The following MAMDC2 variants were observed in gnomAD, a reference collection of about 807,000 sequenced individuals.
MAMDC2 encodes MAM domain-containing protein 2.
MAMDC2 carries 57 observed loss-of-function variants against 89.8 expected under a neutral mutation model. The ratio of observed to expected loss-of-function variants is 0.63; its 90% CI spans 0.51 to 0.79. The LOEUF is 0.79. Among genes scored for constraint, MAMDC2 ranks in the 30% least tolerant of loss-of-function variants. MAMDC2 has a pLI of 0.00. For missense variants in MAMDC2, 800 were observed against 820.6 expected (o/e 0.97, Z 0.31); for synonymous variants, 313 against 293.4 (o/e 1.07, Z -0.68).
chr9:70,076,165 G>A (rs1827526648), intron 2 of MAMDC2, among the ~76,000 whole-genome samples: 1 of 152,202 alleles, frequency 6.6e-6, no homozygotes, highest in African/African-American at 2.4e-5. Flanking sequence ...GCTCACGCCT[G>A]TAATCCCAGC....
intron 2 of MAMDC2, among the ~76,000 whole-genome samples, chr9:70,105,628 A>G (rs1370071155): frequency 6.6e-6 from 1 of 152,228 alleles, no homozygotes; most frequent in African/African-American, 2.4e-5. Context: ...TATGGCTAAG[A>G]TGTCAAAATC....
chr9:70,063,302 A>G (rs111611311), intron 2 of MAMDC2: 1,907 of 152,300 alleles, frequency 0.013, 37 homozygotes, highest in African/African-American at 0.043. Context: ...GCCAAGTGGT[A>G]TAAGGTTCGT....
At chr9:70,107,003 C>G (rs925767401) in intron 2 of MAMDC2, among the ~76,000 whole-genome samples, 1 of 152,116 alleles carries the variant, frequency 6.6e-6, no homozygotes, top group South Asian at 2.1e-4. Context: ...TTTTCAGATC[C>G]TTTCTCGTAA....
chr9:70,104,874 G>A (rs1455291965), intron 2 of MAMDC2, among the ~76,000 whole-genome samples: 10 of 152,134 alleles, frequency 6.6e-5, no homozygotes, highest in Admixed American at 5.9e-4. Context: ...TGGTGATGGT[G>A]CACAAATTTA....
intron 6 of MAMDC2, among the ~76,000 whole-genome samples, chr9:70,130,710 T>C (rs539179097): frequency 9.4e-4 from 142 of 151,796 alleles, no homozygotes; most frequent in African/African-American, 3.3e-3. Flanking sequence ...TGATGTAGAG[T>C]TCATATAGGA....
At chr9:70,210,391 C>T (rs1564001021) in intron 11 of MAMDC2, among the ~76,000 whole-genome samples, 9 of 152,114 alleles carry the variant, frequency 5.9e-5, no homozygotes, top group African/African-American at 2.4e-5. Context: ...ATGTAATGGC[C>T]TTCTTTGTCT....
intron 9 of MAMDC2, among the ~76,000 whole-genome samples, chr9:70,144,964 G>T (rs1037945994): frequency 6.6e-6 from 1 of 152,110 alleles, no homozygotes; most frequent in African/African-American, 2.4e-5. Flanking sequence ...CTTTACCATG[G>T]TTAATCAAAG....
At chr9:70,188,751 C>G (rs540696686) in intron 11 of MAMDC2, 31 of 107,930 alleles carry the variant, frequency 2.9e-4, no homozygotes, top group African/African-American at 9.8e-4. Context: ...GAGAGGTGAT[C>G]AAAACAATTG....
At chr9:70,196,855 C>G (rs1012785478) in intron 11 of MAMDC2, among the ~76,000 whole-genome samples, 1 of 152,030 alleles carries the variant, frequency 6.6e-6, no homozygotes, top group African/African-American at 2.4e-5. Context: ...CTCTTAAAAA[C>G]AAAAATTAAC....
intron 2 of MAMDC2, among the ~76,000 whole-genome samples, chr9:70,047,572 TG>T (rs1395418927): frequency 4.6e-5 from 7 of 152,332 alleles, no homozygotes; most frequent in East Asian, 3.9e-4. Flanking sequence ...ATGCTGTATA[TG>T]TGCTACATTT....
At chr9:70,047,776 G>A (rs1826792650) in intron 2 of MAMDC2, among the ~76,000 whole-genome samples, 1 of 152,174 alleles carries the variant, frequency 6.6e-6, no homozygotes, top group Non-Finnish European at 1.5e-5. Context: ...CTGCGAACTG[G>A]GGTTTCATCA....
intron 11 of MAMDC2, among the ~76,000 whole-genome samples, chr9:70,177,619 T>G (rs1440948088): frequency 6.6e-6 from 1 of 152,132 alleles, no homozygotes; most frequent in Admixed American, 6.5e-5. Context: ...AAGTGAAAGT[T>G]CCCACGTTTT....
At chr9:70,101,059 C>T (rs1828176851) in intron 2 of MAMDC2, among the ~76,000 whole-genome samples, 1 of 152,082 alleles carries the variant, frequency 6.6e-6, no homozygotes, top group South Asian at 2.1e-4. Context: ...CTGAAAATTC[C>T]CTATAGCCTA....
intron 11 of MAMDC2, among the ~76,000 whole-genome samples, chr9:70,190,749 CAATT>C (rs1438469066): frequency 6.6e-6 from 1 of 152,054 alleles, no homozygotes; most frequent in African/African-American, 2.4e-5. Flanking sequence ...CAATGTTAAA[CAATT>C]AAACAATTAA....
At chr9:70,141,484 C>CTATATATATAT (rs2031219873) in intron 8 of MAMDC2, among the ~76,000 whole-genome samples, 1 of 152,174 alleles carries the variant, frequency 6.6e-6, no homozygotes, top group Admixed American at 6.5e-5. Flanking sequence ...AATATATACG[C>CTATATATATAT]AAACAAACTT....
intron 12 of MAMDC2, among the ~76,000 whole-genome samples, chr9:70,219,598 TG>T (rs1483664932): frequency 6.6e-6 from 1 of 152,216 alleles, no homozygotes; most frequent in East Asian, 1.9e-4. Flanking sequence ...GAAGCTCAGA[TG>T]GCCAAGTTGC....
chr9:70,116,481 T>A (rs2029998677), intron 5 of MAMDC2, among the ~76,000 whole-genome samples: 1 of 116,006 alleles, frequency 8.6e-6, no homozygotes, highest in Non-Finnish European at 1.9e-5. Flanking sequence ...TTACCTTGAC[T>A]AAACCCTTAA....
intron 7 of MAMDC2, among the ~76,000 whole-genome samples, chr9:70,138,414 T>C (rs1005989008): frequency 2.0e-5 from 3 of 152,222 alleles, no homozygotes; most frequent in Admixed American, 6.5e-5. Flanking sequence ...TGCCTTTGAC[T>C]AGATACCCAG....
chr9:70,129,437 C>A (rs113800735), intron 6 of MAMDC2, among the ~76,000 whole-genome samples: 320 of 152,228 alleles, frequency 2.1e-3, no homozygotes, highest in African/African-American at 7.5e-3. Context: ...TACCCAGTCT[C>A]GGTATGTCTT....
Sources: allele counts gnomAD v4.1 joint callset (sites outside exome capture counted in the v4.1 genomes callset), GRCh38; gene constraint gnomAD v4.1.1; transcripts MANE v1.5; gene names NCBI Gene and HGNC (gene_info 2026-07-23, HGNC 2026-07-21).